Variants in ZNF350 observed in about 807,000 individuals in gnomAD.
ZNF350 encodes the protein KRAB zinc finger protein ZFQR.
ZNF350 carries 5 observed loss-of-function variants against 13.1 expected under a neutral mutation model. That is an observed-to-expected ratio of 0.38 (90% CI 0.20 to 0.80). ZNF350 has a LOEUF of 0.80. Among genes scored for constraint, ZNF350 ranks in the 30% least tolerant of loss-of-function variants. The probability of loss-of-function intolerance (pLI) is 0.43; values close to 1 mark genes in which losing one functional copy is unlikely to be tolerated. For synonymous variants in ZNF350, 199 were observed against 224.2 expected, an observed-to-expected ratio of 0.89 and a Z score of 1.00; for missense variants, 534 against 644.2, an observed-to-expected ratio of 0.83 and a Z score of 1.85.
intron 4 of ZNF350, among the ~76,000 whole-genome samples, chr19:51,966,652 T>TG (rs1287928557): frequency 6.6e-6 from 1 of 151,310 alleles, no homozygotes; most frequent in Non-Finnish European, 1.5e-5. Flanking sequence ...TTGTTGTTTT[T>TG]TTTTTGTTTT....
At position 51,964,867 on chromosome 19, in the gene ZNF350, G is replaced by A; in HGVS notation, c.1586C>T (p.Thr529Ile). The change falls in exon 5 of 5, where the codon ACA becomes ATA. Residue 529 changes from threonine (T) to isoleucine (I), a missense_variant. By Grantham distance (89) the Thr-to-Ile change is moderately conservative (BLOSUM62 -1). Coordinates refer to ENST00000243644, the MANE Select transcript of ZNF350 (RefSeq NM_021632.4). ...TGAGTTTTCTTCCTATGGGTTTTCTGTAACATAAAATAAGACATAATTGAT... is the reference window on the plus strand; with the variant it reads ...TGAGTTTTCTTCCTATGGGTTTTCTATAACATAAAATAAGACATAATTGAT... ...SVINYVLFYV[T>I]ENP 6.2e-7 allele frequency: 1 copy of A among 1,606,900 alleles called. No homozygotes were observed. The highest frequency in any genetic ancestry group is 1.1e-5 in the South Asian group (1 of 90,594).
intron 1 of ZNF350, among the ~76,000 whole-genome samples, chr19:51,977,288 G>A (rs2085920874): frequency 6.6e-6 from 1 of 152,186 alleles, no homozygotes; most frequent in Non-Finnish European, 1.5e-5. Context: ...GGCATACAGA[G>A]CCCATTCACC....
intron 1 of ZNF350, among the ~76,000 whole-genome samples, chr19:51,977,332 C>T (rs535325048): frequency 4.6e-5 from 7 of 152,316 alleles, no homozygotes; most frequent in East Asian, 3.9e-4. Flanking sequence ...TGGTGCTATG[C>T]GTTTTTTACC....
At chr19:51,971,510 T>C (rs947723364) in intron 2 of ZNF350, among the ~76,000 whole-genome samples, 2 of 152,218 alleles carry the variant, frequency 1.3e-5, no homozygotes, top group African/African-American at 4.8e-5. Flanking sequence ...TTATCATGAA[T>C]GCAGGATGTG....
chr19:51,966,287 T>G, intron 4 of ZNF350, 73 bp from the exon 5 acceptor site: 5 of 1,470,276 alleles, frequency 3.4e-6, no homozygotes, highest in Non-Finnish European at 9.0e-7. Flanking sequence ...TTTTGTTTTT[T>G]TTGTTTTTTT....
Position 51,965,728 on chromosome 19 carries a change from G to C in ZNF350, c.725C>G (p.Ala242Gly). Residue 242 changes from alanine to glycine, a missense_variant, in exon 5 of 5, where the codon GCC (alanine) becomes GGC (glycine). Coordinates refer to ENST00000243644, the MANE Select transcript of ZNF350 (RefSeq NM_021632.4). The part of the protein sequence containing the change: ...KPHRCSLCEK[A>G]FSRKFMLTEH... ...AGTAAGCATGAACTTTCTGGAGAAG[G>C]CTTTCTCACATAGACTACATCTGTG... 1 of 1,613,946 alleles carries C rather than the reference G, an allele frequency of 6.2e-7. No individual in the cohort carries two copies. Among genetic ancestry groups the C allele is most frequent in the Non-Finnish European group, 8.5e-7 (1 of 1,179,894 alleles).
chr19:51,964,920 A>G lies in ZNF350; in HGVS notation c.1533T>C (p.Asn511=), dbSNP rs2085520030. 5 of 1,614,200 alleles carry G rather than the reference A, an allele frequency of 3.1e-6. No homozygotes were observed. The highest frequency in any genetic ancestry group is 1.3e-5 in the African/African-American group (1 of 75,062). The part of the protein sequence containing the change: ...RGFAQDRNLV[N]AVNVVVPSVI... ...CGGAAGGCACAACCACATTCACTGCATTCACAAGGTTTCTGTCCTGTGCAA... is the reference window on the plus strand; with the variant it reads ...CGGAAGGCACAACCACATTCACTGCGTTCACAAGGTTTCTGTCCTGTGCAA... Residue 511 remains asparagine (N), a synonymous_variant, in exon 5 of 5, where the codon AAT becomes AAC. Transcript: ENST00000243644.
chr19:51,980,820 G>C (rs901813589), intron 1 of ZNF350: 1 of 152,138 alleles, frequency 6.6e-6, no homozygotes, highest in African/African-American at 2.4e-5. Context: ...CCGAATTCCA[G>C]GAAGGCCTGG....
intron 1 of ZNF350, among the ~76,000 whole-genome samples, chr19:51,980,302 C>T (rs1348182651): frequency 1.3e-5 from 2 of 152,218 alleles, no homozygotes; most frequent in Non-Finnish European, 2.9e-5. Flanking sequence ...TGGGCTGCCA[C>T]ACCTGCTTTG....
At chr19:51,980,545 A>G (rs113127504) in intron 1 of ZNF350, among the ~76,000 whole-genome samples, 4,103 of 152,342 alleles carry the variant, frequency 0.027, 177 homozygotes, top group African/African-American at 0.093. Flanking sequence ...TGAAGTGGCA[A>G]TGTTGAAATC....
At chr19:51,971,575 C>T (rs1382583177) in intron 2 of ZNF350, among the ~76,000 whole-genome samples, 1 of 152,202 alleles carries the variant, frequency 6.6e-6, no homozygotes, top group East Asian at 1.9e-4. Context: ...CAATCACTCC[C>T]TGGTGCTGAG....
At chr19:51,978,130 G>C (rs1475126554) in intron 1 of ZNF350, among the ~76,000 whole-genome samples, 1 of 152,082 alleles carries the variant, frequency 6.6e-6, no homozygotes, top group African/African-American at 2.4e-5. Flanking sequence ...AATGAGATGG[G>C]GGCCTGCACC....
chr19:51,970,783 G>T (rs924013495), intron 2 of ZNF350, among the ~76,000 whole-genome samples: 4 of 152,132 alleles, frequency 2.6e-5, no homozygotes, highest in Non-Finnish European at 4.4e-5. Flanking sequence ...TTTCAAGCAA[G>T]AAGTCTACAC....
intron 2 of ZNF350, among the ~76,000 whole-genome samples, chr19:51,972,390 A>C (rs989576252): frequency 2.0e-5 from 3 of 151,356 alleles, no homozygotes; most frequent in Non-Finnish European, 4.4e-5. Flanking sequence ...CACACACACA[A>C]AACCTTTATG....
Position 51,974,474 on chromosome 19 carries a change from C to A in ZNF350, c.-114G>T, listed in dbSNP as rs991902847. 2.3e-6 allele frequency: 3 copies of A among 1,284,470 alleles called. No homozygotes were observed. Among genetic ancestry groups the A allele is most frequent in the Non-Finnish European group, 3.3e-6 (3 of 900,382 alleles). The allele number at this position is 1,284,470 out of a possible 1,614,324, so 79.6% of individuals were successfully genotyped here. On this transcript the variant is annotated 5_prime_UTR_variant, in exon 2 of 5. Transcript: ENST00000243644. The stretch of plus-strand genomic sequence containing the variant: ...CAAGTGTGCCCCAAGAAATGGTGAA[C>A]CCCAAATCCACTTCCTCCCTCTTCA...
chr19:51,971,249 C>A (rs930245256), intron 2 of ZNF350, among the ~76,000 whole-genome samples: 2 of 152,090 alleles, frequency 1.3e-5, no homozygotes, highest in Non-Finnish European at 2.9e-5. Flanking sequence ...GTTGGTTTAC[C>A]CATTCTAAAT....
In ZNF350 at chr19:51,965,914, G is replaced by A; in HGVS notation, c.539C>T (p.Ala180Val). The change falls in exon 5 of 5, where the codon GCA (alanine) becomes GTA (valine). Residue 180 changes from alanine (A) to valine (V), a missense_variant. Physicochemically the swap from Ala to Val is moderately conservative, Grantham distance 64. Coordinates refer to ENST00000243644, the MANE Select transcript of ZNF350 (RefSeq NM_021632.4). ...CTTAGTGCTGATGAGTTTTTGACTT[G>A]CAGGGAATTTAATTGCAGTATGAAG... ...ERLHTAIKFP[A>V]SQKLISTKSQ... is the part of the protein sequence containing the mutation. 6.2e-7 allele frequency: 1 copy of A among 1,614,032 alleles called. No individual in the cohort carries two copies. The highest frequency in any genetic ancestry group is 8.5e-7 in the Non-Finnish European group (1 of 1,180,024).
intron 1 of ZNF350, among the ~76,000 whole-genome samples, chr19:51,985,818 C>T (rs2086148278): frequency 6.6e-6 from 1 of 151,950 alleles, no homozygotes; most frequent in Non-Finnish European, 1.5e-5. Flanking sequence ...ACCAACCTGC[C>T]CAACGTGGTA....
chr19:51,971,841 C>T (rs1164421673), intron 2 of ZNF350, among the ~76,000 whole-genome samples: 2 of 152,190 alleles, frequency 1.3e-5, no homozygotes, highest in Non-Finnish European at 2.9e-5. Context: ...GTGCGGGTTA[C>T]AAGTGGCGCC....
Sources: allele counts gnomAD v4.1 joint callset (sites outside exome capture counted in the v4.1 genomes callset), GRCh38; gene constraint gnomAD v4.1.1; transcripts MANE v1.5; gene names NCBI Gene and HGNC (gene_info 2026-07-23, HGNC 2026-07-21).